Variants in RBFOX1 observed in about 807,000 individuals in gnomAD.
RBFOX1 encodes RNA binding protein fox-1 homolog 1.
RBFOX1 carries 8 observed loss-of-function variants against 57.7 expected under a neutral mutation model. That is an observed-to-expected ratio of 0.14 (90% CI 0.08 to 0.25). The LOEUF is 0.25. Among genes scored for constraint, RBFOX1 ranks in the 10% least tolerant of loss-of-function variants. The pLI is 1.00. For missense variants in RBFOX1, 611 were observed against 548.5 expected (o/e 1.11, Z -1.14); for synonymous variants, 326 against 222.4 (o/e 1.47, Z -4.15).
At chr16:5,522,305 C>G (rs1294547403) in intron 2 of RBFOX1, among the ~76,000 whole-genome samples, 1 of 152,168 alleles carries the variant, frequency 6.6e-6, no homozygotes, top group Non-Finnish European at 1.5e-5. Flanking sequence ...CATAATAGAG[C>G]TCATCTTGGT....
At chr16:6,035,215 A>T (rs1482894819) in intron 1 of RBFOX1, among the ~76,000 whole-genome samples, 1 of 152,146 alleles carries the variant, frequency 6.6e-6, no homozygotes. Context: ...CAAAGAGCAA[A>T]ATATGCCGTG....
intron 3 of RBFOX1, among the ~76,000 whole-genome samples, chr16:6,678,434 T>G (rs2154118859): frequency 6.6e-6 from 1 of 152,028 alleles, no homozygotes; most frequent in Non-Finnish European, 1.5e-5. Flanking sequence ...AAAAGTTATT[T>G]ATGATATATA....
At chr16:7,363,657 T>A (rs781593372) in intron 4 of RBFOX1, among the ~76,000 whole-genome samples, 6 of 152,172 alleles carry the variant, frequency 3.9e-5, no homozygotes, top group Non-Finnish European at 8.8e-5. Flanking sequence ...CTTAAAGCCA[T>A]CAGATCCCTT....
At chr16:7,175,893 C>T (rs1382294602) in intron 4 of RBFOX1, among the ~76,000 whole-genome samples, 2 of 152,088 alleles carry the variant, frequency 1.3e-5, no homozygotes, top group African/African-American at 4.8e-5. Context: ...GCCCTCTGAG[C>T]ATATAAAGGC....
At chr16:5,274,518 G>T (rs1283940768) in intron 1 of RBFOX1, among the ~76,000 whole-genome samples, 1 of 152,138 alleles carries the variant, frequency 6.6e-6, no homozygotes, top group Non-Finnish European at 1.5e-5. Context: ...GATAGGGCGA[G>T]ACTGGGTCTT....
intron 3 of RBFOX1, among the ~76,000 whole-genome samples, chr16:5,731,562 C>T (rs1207440449): frequency 1.3e-5 from 2 of 152,146 alleles, no homozygotes; most frequent in East Asian, 3.9e-4. Flanking sequence ...TAGAGGGGCT[C>T]TCTTGCTTCT....
intron 3 of RBFOX1, among the ~76,000 whole-genome samples, chr16:6,999,508 G>C (rs928331938): frequency 6.6e-6 from 1 of 151,398 alleles, no homozygotes; most frequent in Non-Finnish European, 1.5e-5. Flanking sequence ...GTTTAATGGT[G>C]GTTTTAAAAT....
At chr16:6,761,823 A>G (rs1407304772) in intron 3 of RBFOX1, among the ~76,000 whole-genome samples, 1 of 151,764 alleles carries the variant, frequency 6.6e-6, no homozygotes, top group Admixed American at 6.6e-5. Flanking sequence ...CCTTGTTGCT[A>G]CTACGCCATC....
At chr16:6,799,754 CAGGTTCTTT>C (rs2084928959) in intron 3 of RBFOX1, among the ~76,000 whole-genome samples, 2 of 152,090 alleles carry the variant, frequency 1.3e-5, no homozygotes, top group South Asian at 4.1e-4. Flanking sequence ...CATCAGCCTC[CAGGTTCTTT>C]AGCCTTTGGA....
chr16:6,782,806 C>T (rs1255699128), intron 3 of RBFOX1, among the ~76,000 whole-genome samples: 2 of 152,148 alleles, frequency 1.3e-5, no homozygotes, highest in African/African-American at 2.4e-5. Flanking sequence ...GGTTTTTTGT[C>T]CAATGCTGAA....
intron 3 of RBFOX1, among the ~76,000 whole-genome samples, chr16:7,036,957 C>T (rs1846161306): frequency 1.3e-5 from 2 of 152,036 alleles, no homozygotes; most frequent in African/African-American, 2.4e-5. Flanking sequence ...TTCATGCTTC[C>T]CCTTTTTAGA....
intron 3 of RBFOX1, among the ~76,000 whole-genome samples, chr16:6,802,011 G>A (rs1375154994): frequency 1.3e-5 from 2 of 152,068 alleles, no homozygotes; most frequent in East Asian, 1.9e-4. Context: ...GAGGTTGGGG[G>A]AGTTCTTTTA....
chr16:5,588,204 G>C (rs973231717), intron 2 of RBFOX1, among the ~76,000 whole-genome samples: 1 of 152,124 alleles, frequency 6.6e-6, no homozygotes, highest in Non-Finnish European at 1.5e-5. Context: ...GGGGCTGTGG[G>C]AATGGGGGGA....
At chr16:5,312,153 C>T (rs911612955) in intron 1 of RBFOX1, among the ~76,000 whole-genome samples, 1 of 152,102 alleles carries the variant, frequency 6.6e-6, no homozygotes, top group African/African-American at 2.4e-5. Flanking sequence ...ACATGGAATG[C>T]GTGTTTGGGA....
intron 12 of RBFOX1, among the ~76,000 whole-genome samples, chr16:7,662,232 A>G (rs952854273): frequency 3.9e-5 from 6 of 152,180 alleles, no homozygotes; most frequent in African/African-American, 1.2e-4. Flanking sequence ...TCCCATATTT[A>G]AAAGTATGTT....
At chr16:7,347,489 G>A (rs1347919514) in intron 4 of RBFOX1, among the ~76,000 whole-genome samples, 1 of 152,152 alleles carries the variant, frequency 6.6e-6, no homozygotes, top group African/African-American at 2.4e-5. Context: ...CCAGGTTCCT[G>A]TCATGACACG....
intron 4 of RBFOX1, among the ~76,000 whole-genome samples, chr16:7,460,387 A>ATG (rs1428436633): frequency 1.4e-3 from 108 of 75,460 alleles, no homozygotes; most frequent in African/African-American, 7.1e-3. Context: ...ATATATATAT[A>ATG]TATGTGTGTG....
chr16:6,539,268 C>A (rs1031359315), intron 2 of RBFOX1, among the ~76,000 whole-genome samples: 4 of 152,090 alleles, frequency 2.6e-5, no homozygotes, highest in African/African-American at 9.7e-5. Flanking sequence ...TAAGCATGGG[C>A]AGGTCCTTCA....
At chr16:7,586,612 T>G (rs531506419) in intron 6 of RBFOX1, among the ~76,000 whole-genome samples, 1 of 152,380 alleles carries the variant, frequency 6.6e-6, no homozygotes, top group East Asian at 1.9e-4. Flanking sequence ...TCTCTGTTTC[T>G]GGACTTTTCA....
Sources: gnomAD v4.1 joint callset for allele counts (sites outside exome capture counted in the v4.1 genomes callset) on GRCh38, gnomAD v4.1.1 for gene constraint, MANE v1.5 for transcripts, NCBI Gene and HGNC (gene_info 2026-07-23, HGNC 2026-07-21) for gene names.